Variants in ZNF580 observed in about 807,000 individuals in gnomAD.
The protein encoded by ZNF580 is zinc finger protein 580.
A neutral mutation model predicts 1.3 loss-of-function variants in ZNF580; 1 was observed. The observed-to-expected ratio is 0.77, with a 90% confidence interval of 0.27 to 3.65. ZNF580 has a LOEUF of 3.65. ZNF580 is among the 30% of genes most tolerant of loss of function. ZNF580 has a pLI of 0.19. For missense variants in ZNF580, 268 were observed against 272.3 expected (o/e 0.98, Z 0.11); for synonymous variants, 135 against 128.8 (o/e 1.05, Z -0.32).
rs1359848290 is a variant in ZNF580, at chr19:55,643,111, C to A, written c.*84C>A. The A allele has an allele frequency of 2.3e-6, 3 of 1,306,162 alleles. No individual in the cohort carries two copies. Among genetic ancestry groups the A allele is most frequent in the Non-Finnish European group, 2.9e-6 (3 of 1,022,780 alleles). The allele number at this position is 1,306,162 out of a possible 1,614,324, so 80.9% of individuals were successfully genotyped here. On this transcript the variant is annotated 3_prime_UTR_variant, in exon 2 of 2. Transcript: ENST00000325333. ...CAGCGTCACTCACTCCCACACACAC[C>A]CCCTGGCTCTGCTGAGGTTACTGCC...
Position 55,643,197 on chromosome 19 carries a change from C to T in ZNF580, c.*170C>T. ...GAGGAGCATCATTCCTTCCTTACCC[C>T]CTTTCTAGCTGTGTGATGTAGACCA... On this transcript the variant is annotated 3_prime_UTR_variant, in exon 2 of 2. Coordinates refer to ENST00000325333, the MANE Select transcript of ZNF580 (RefSeq NM_207115.2). 1.7e-6 allele frequency: 2 copies of T among 1,165,824 alleles called. No homozygotes were observed. The highest frequency in any genetic ancestry group is 2.2e-6 in the Non-Finnish European group (2 of 906,524). The allele number at this position is 1,165,824 out of a possible 1,614,324, so 72.2% of individuals were successfully genotyped here.
intron 1 of ZNF580, chr19:55,641,842 C>A (rs1208593412): frequency 1.2e-5 from 2 of 160,466 alleles, no homozygotes; most frequent in African/African-American, 4.8e-5. Context: ...GACTAGACTT[C>A]GAGGTGCTAA....
In ZNF580 at chr19:55,642,593, T is replaced by A; in HGVS notation, c.85T>A (p.Phe29Ile). Reference protein sequence around the residue: ...MDPPPPKAPPFPKAEGPSSTP... With the variant: ...MDPPPPKAPPIPKAEGPSSTP... ...CCCACCGCCCCCCAAGGCTCCCCCT[T>A]TCCCCAAGGCGGAAGGCCCCTCCTC... is the stretch of plus-strand genomic sequence containing the variant. The change falls in exon 2 of 2, where the codon TTC (phenylalanine) becomes ATC (isoleucine). Residue 29 changes from phenylalanine to isoleucine, a missense_variant. This residue lies in a region of ZNF580 where 225 missense variants were observed against 201.7 expected (regional missense o/e 1.12). Transcript: ENST00000325333. 2 of 1,450,072 alleles carry A rather than the reference T, an allele frequency of 1.4e-6. No individual in the cohort carries two copies. The highest frequency in any genetic ancestry group is 1.8e-6 in the Non-Finnish European group (2 of 1,101,360). The allele number at this position is 1,450,072 out of a possible 1,614,324, so 89.8% of individuals were successfully genotyped here.
chr19:55,641,087 G>C lies in ZNF580; in HGVS notation c.-109G>C. On this transcript the variant is annotated 5_prime_UTR_variant, in exon 1 of 2. Transcript: ENST00000325333. ...CGGCGCCGCCGGCCCGGAGCTGCCC[G>C]GAAGTCTCGGTTCCGCCGCCGGCGC... 1.0e-6 allele frequency: 1 copy of C among 985,254 alleles called. No individual in the cohort carries two copies. Among genetic ancestry groups the C allele is most frequent in the Non-Finnish European group, 1.2e-6 (1 of 829,864 alleles). The allele number at this position is 985,254 out of a possible 1,614,324, so 61.0% of individuals were successfully genotyped here.
rs1041117201 is a variant in ZNF580, at chr19:55,641,124, AGCCCGGGGCC to A, written c.-64_-55del. The A allele has an allele frequency of 1.2e-4, 119 of 984,910 alleles. No individual in the cohort carries two copies. The highest frequency in any genetic ancestry group is 4.3e-4 in the Admixed American group (7 of 16,260). 61.0% of individuals were successfully genotyped at this position (984,910 alleles called of 1,614,324 possible). A position where few individuals can be genotyped will look rare whatever the true frequency, so the allele number is the denominator to read the frequency against. On this transcript the variant is annotated 5_prime_UTR_variant, in exon 1 of 2. Transcript: ENST00000325333. Reference sequence around the variant, plus strand: ...TCCGCCGCCGGCGCTCGCCAGGGGAAGCCCGGGGCCGCCCGGGACCTCGGCCCGTTCCTCC... The same window carrying A: ...TCCGCCGCCGGCGCTCGCCAGGGGAAGCCCGGGACCTCGGCCCGTTCCTCC...
In ZNF580 at chr19:55,642,610, C is replaced by A; in HGVS notation, c.102C>A (p.Gly34=). 7 of 1,455,046 alleles carry A rather than the reference C, an allele frequency of 4.8e-6. No individual in the cohort carries two copies. Among genetic ancestry groups the A allele is most frequent in the Non-Finnish European group, 6.3e-6 (7 of 1,104,656 alleles). 90.1% of individuals were successfully genotyped at this position (1,455,046 alleles called of 1,614,324 possible). A position where few individuals can be genotyped will look rare whatever the true frequency, so the allele number is the denominator to read the frequency against. ...CTCCCCCTTTCCCCAAGGCGGAAGG[C>A]CCCTCCTCCACTCCTTCCTCGGCGG... ...PKAPPFPKAE[G]PSSTPSSAAG... Residue 34 remains glycine, a synonymous_variant, in exon 2 of 2, where the codon GGC becomes GGA. Coordinates refer to ENST00000325333, the MANE Select transcript of ZNF580 (RefSeq NM_207115.2).
rs967284078 is a variant in ZNF580 at position 55,642,714 on chromosome 19, TGGA to T, written c.214_216del (p.Glu72del). On this transcript the variant is annotated inframe_deletion, in exon 2 of 2. Transcript: ENST00000325333. ...GTCCCCTACACATACACGGTGCAGC[TGGA>T]GGAGGAGCCCCGGGGCCCGCCCCAG... 1 of 1,503,220 alleles carries T rather than the reference TGGA, an allele frequency of 6.7e-7. No individual in the cohort carries two copies. 93.1% of individuals were successfully genotyped at this position (1,503,220 alleles called of 1,614,324 possible). A position where few individuals can be genotyped will look rare whatever the true frequency, so the allele number is the denominator to read the frequency against.
chr19:55,641,544 G>T (rs1298956717), intron 1 of ZNF580, among the ~76,000 whole-genome samples: 1 of 152,156 alleles, frequency 6.6e-6, no homozygotes, highest in African/African-American at 2.4e-5. Flanking sequence ...AAAGAGAGAT[G>T]CCAGACGTAC....
At position 55,642,867 on chromosome 19, in the gene ZNF580, T is replaced by C. The variant is rs1246832983; in HGVS notation, c.359T>C (p.Phe120Ser). Residue 120 changes from phenylalanine (F) to serine (S), a missense_variant, in exon 2 of 2, where the codon TTC becomes TCC. Physicochemically the swap from Phe to Ser is radical, Grantham distance 155. Around this residue, in one of 2 missense-constraint regions of ZNF580, gnomAD observed 225 missense variants for 201.7 expected, o/e 1.12. Transcript: ENST00000325333. ...HRVSHSDLKPFTCGACGKAFK... is the reference protein window; with the variant it reads ...HRVSHSDLKPSTCGACGKAFK... ...GTGTCGCACTCGGACCTCAAGCCCTTCACGTGCGGCGCCTGCGGCAAGGCC... is the reference window on the plus strand; with the variant it reads ...GTGTCGCACTCGGACCTCAAGCCCTCCACGTGCGGCGCCTGCGGCAAGGCC... The C allele has an allele frequency of 6.4e-7, 1 of 1,568,386 alleles. No individual in the cohort carries two copies. Among genetic ancestry groups the C allele is most frequent in the Admixed American group, 1.8e-5 (1 of 56,996 alleles).
chr19:55,641,672 A>G (rs1472566878), intron 1 of ZNF580: 1 of 147,800 alleles, frequency 6.8e-6, no homozygotes, highest in African/African-American at 2.5e-5. Context: ...AGAAGTAACG[A>G]TGTCACCGCC....
At position 55,642,877 on chromosome 19, in the gene ZNF580, C is replaced by G. The variant is rs372718058; in HGVS notation, c.369C>G (p.Gly123=). 5.1e-6 allele frequency: 8 copies of G among 1,564,980 alleles called. No homozygotes were observed. The African/African-American group carries it at 9.8e-5, about 19-fold the overall frequency. ...SHSDLKPFTC[G]ACGKAFKRSS... Reference sequence around the variant, plus strand: ...CGGACCTCAAGCCCTTCACGTGCGGCGCCTGCGGCAAGGCCTTCAAGCGCT... The same window carrying G: ...CGGACCTCAAGCCCTTCACGTGCGGGGCCTGCGGCAAGGCCTTCAAGCGCT... Residue 123 remains glycine, a synonymous_variant, in exon 2 of 2, where the codon GGC becomes GGG. Transcript: ENST00000325333.
At chr19:55,641,268 C>G in intron 1 of ZNF580, 85 bp downstream of exon 1, 1 of 859,584 alleles carries the variant, frequency 1.2e-6, no homozygotes, top group Non-Finnish European at 1.4e-6. Context: ...TGGAGCCACC[C>G]GGGATGGGGG....
At chr19:55,642,256 G>A in intron 1 of ZNF580, 1 of 1,230,726 alleles carries the variant, frequency 8.1e-7, no homozygotes, top group Non-Finnish European at 1.0e-6. Context: ...GTGAGAGGTG[G>A]ACCCAGGAGG....
intron 1 of ZNF580, 48 bp downstream of exon 1, chr19:55,641,231 G>T (rs978149385): frequency 2.1e-6 from 2 of 970,732 alleles, no homozygotes; most frequent in Non-Finnish European, 2.4e-6. Context: ...GGACGACGCC[G>T]GGGCCAGGCA....
chr19:55,643,217 A>G lies in ZNF580; in HGVS notation c.*190A>G. The stretch of plus-strand genomic sequence containing the variant: ...TACCCCCTTTCTAGCTGTGTGATGT[A>G]GACCAAAGTCGTTGCCCCTCCCTGG... On this transcript the variant is annotated 3_prime_UTR_variant, in exon 2 of 2. Transcript: ENST00000325333. 2.8e-6 allele frequency: 3 copies of G among 1,063,070 alleles called. No homozygotes were observed. The highest frequency in any genetic ancestry group is 1.2e-6 in the Non-Finnish European group (1 of 816,502). The allele number at this position is 1,063,070 out of a possible 1,614,324, so 65.9% of individuals were successfully genotyped here. A position where few individuals can be genotyped will look rare whatever the true frequency, so the allele number is the denominator to read the frequency against.
rs1290132985 is a variant in ZNF580 at position 55,643,416 on chromosome 19, A to AC, written c.*395dup. Reference sequence around the variant, plus strand: ...CACGGTCTGGTTCATTTCTGTATCTACCCCCCTTCCGCCCACGCCCCCGAC... The same window carrying AC: ...CACGGTCTGGTTCATTTCTGTATCTACCCCCCCTTCCGCCCACGCCCCCGAC... On this transcript the variant is annotated 3_prime_UTR_variant, in exon 2 of 2. Transcript: ENST00000325333. The AC allele has an allele frequency of 4.6e-6, 1 of 219,338 alleles. No homozygotes were observed. The allele number at this position is 219,338 out of a possible 1,614,324, so 13.6% of individuals were successfully genotyped here.
chr19:55,642,418 T>C, intron 1 of ZNF580, 79 bp from the exon 2 acceptor site: 2 of 1,387,708 alleles, frequency 1.4e-6, no homozygotes, highest in Non-Finnish European at 1.9e-6. Flanking sequence ...GCAGTGATAG[T>C]GGGGATGCTT....
At position 55,642,816 on chromosome 19, in the gene ZNF580, G is replaced by A. The variant is rs1264924410; in HGVS notation, c.308G>A (p.Ser103Asn). 6.4e-7 allele frequency: 1 copy of A among 1,572,648 alleles called. No homozygotes were observed. The highest frequency in any genetic ancestry group is 8.6e-7 in the Non-Finnish European group (1 of 1,167,536). Residue 103 changes from serine to asparagine, a missense_variant, in exon 2 of 2, where the codon AGC (serine) becomes AAC (asparagine). Around this residue, in one of 2 missense-constraint regions of ZNF580, gnomAD observed 225 missense variants for 201.7 expected, o/e 1.12. Transcript: ENST00000325333. ...SCPECARVFA[S>N]PLRLQSHRVS... ...CCGGAGTGCGCCCGTGTCTTTGCCA[G>A]CCCTCTGCGGCTGCAGAGCCACCGC...
intron 1 of ZNF580, chr19:55,642,159 T>C (rs1258478024): frequency 9.5e-7 from 1 of 1,050,988 alleles, no homozygotes; most frequent in Non-Finnish European, 1.1e-6. Context: ...GTAAACAGAT[T>C]TAGGGATTGA....
Sources: gnomAD v4.1 joint callset for allele counts (sites outside exome capture counted in the v4.1 genomes callset) on GRCh38, gnomAD v4.1.1 for gene constraint, gnomAD v4.1.1 regional missense constraint, MANE v1.5 for transcripts, NCBI Gene and HGNC (gene_info 2026-07-23, HGNC 2026-07-21) for gene names.